The following COL8A1 variants were observed in gnomAD, a reference collection of about 807,000 sequenced individuals.
COL8A1 encodes collagen alpha-1(VIII) chain.
Under a neutral mutation model 42.7 loss-of-function variants are expected in COL8A1, and 21 were observed. The observed-to-expected ratio is 0.49, with a 90% confidence interval of 0.35 to 0.71. The LOEUF (loss-of-function observed/expected upper bound fraction) is 0.71, where lower values mean the gene tolerates loss of function less well. COL8A1 is among the 30% of genes least tolerant of loss of function. The pLI is 0.01. For missense variants in COL8A1, 788 were observed against 962.4 expected (o/e 0.82, Z 2.40); for synonymous variants, 367 against 369.1 (o/e 0.99, Z 0.06).
chr3:99,720,736 T>C (rs1576446913), intron 1 of COL8A1, among the ~76,000 whole-genome samples: 4 of 152,076 alleles, frequency 2.6e-5, no homozygotes, highest in Admixed American at 2.6e-4. Flanking sequence ...TAGTGGTCAG[T>C]GCATTGAGAA....
chr3:99,795,254 G>A lies in COL8A1; in HGVS notation c.1353G>A (p.Met451Ile), dbSNP rs1942080354. 3 of 1,613,180 alleles carry A rather than the reference G, an allele frequency of 1.9e-6. No individual in the cohort carries two copies. Among genetic ancestry groups the A allele is most frequent in the South Asian group, 1.1e-5 (1 of 91,014 alleles). The change falls in exon 4 of 4, where the codon ATG becomes ATA. Residue 451 changes from methionine (M) to isoleucine (I), a missense_variant. Physicochemically the swap from Met to Ile is conservative, Grantham distance 10 (BLOSUM62 1). Transcript: ENST00000652472. ...GFLGEVGPPGMRGLPGPIGPK... is the reference protein window; with the variant it reads ...GFLGEVGPPGIRGLPGPIGPK... ...TTGGTGAAGTAGGGCCTCCTGGCAT[G>A]AGGGGTTTGCCAGGTCCCATAGGGC... is the stretch of plus-strand genomic sequence containing the variant.
intron 2 of COL8A1, among the ~76,000 whole-genome samples, chr3:99,752,504 C>T (rs1941170927): frequency 6.6e-6 from 1 of 152,050 alleles, no homozygotes; most frequent in Non-Finnish European, 1.5e-5. Flanking sequence ...CCCAAATGCC[C>T]TATCCTGACT....
chr3:99,665,673 C>CT (rs67004417), intron 1 of COL8A1, among the ~76,000 whole-genome samples: 1,786 of 70,168 alleles, frequency 0.025, 33 homozygotes, highest in Admixed American at 0.042. Context: ...TGAATTAATT[C>CT]TTTTTTTTTT....
At chr3:99,684,292 T>A (rs546075741) in intron 1 of COL8A1, among the ~76,000 whole-genome samples, 1 of 152,174 alleles carries the variant, frequency 6.6e-6, no homozygotes, top group Non-Finnish European at 1.5e-5. Context: ...CTAAAAACAA[T>A]CTTGTAAGGC....
At chr3:99,734,178 CT>C (rs1267359054) in intron 1 of COL8A1, among the ~76,000 whole-genome samples, 1 of 148,440 alleles carries the variant, frequency 6.7e-6, no homozygotes, top group African/African-American at 2.5e-5. Flanking sequence ...TCAATTTTGT[CT>C]TTTGTTGCCA....
chr3:99,676,656 A>ATCAC (rs1938707179), intron 1 of COL8A1, among the ~76,000 whole-genome samples: 3 of 152,284 alleles, frequency 2.0e-5, no homozygotes, highest in African/African-American at 7.2e-5. Flanking sequence ...GAAGACAAGA[A>ATCAC]TGCCCACTAT....
At chr3:99,786,049 G>T (rs1440721668) in intron 2 of COL8A1, among the ~76,000 whole-genome samples, 1 of 152,246 alleles carries the variant, frequency 6.6e-6, no homozygotes, top group Non-Finnish European at 1.5e-5. Context: ...ATTAGTGAAA[G>T]GTACCTTCAA....
chr3:99,705,192 G>A (rs1044167804), intron 1 of COL8A1, among the ~76,000 whole-genome samples: 5 of 152,016 alleles, frequency 3.3e-5, no homozygotes, highest in African/African-American at 7.2e-5. Context: ...TTTCCCATTC[G>A]AATCCCCAAG....
At chr3:99,670,515 T>G (rs76414087) in intron 1 of COL8A1, among the ~76,000 whole-genome samples, 1,545 of 152,162 alleles carry the variant, frequency 0.01, 46 homozygotes, top group African/African-American at 0.036. Flanking sequence ...ATTATAAACA[T>G]TTATGTGGTA....
At chr3:99,771,197 G>A (rs1375285994) in intron 2 of COL8A1, among the ~76,000 whole-genome samples, 2 of 152,294 alleles carry the variant, frequency 1.3e-5, no homozygotes, top group East Asian at 3.9e-4. Flanking sequence ...TCACCAAAGG[G>A]AGTCTGGATG....
intron 1 of COL8A1, chr3:99,678,868 G>A (rs888488755): frequency 1.3e-5 from 2 of 152,004 alleles, no homozygotes; most frequent in African/African-American, 4.8e-5. Context: ...CAACTCCTTA[G>A]GATTCATTTT....
At chr3:99,641,533 A>G (rs891732850) in intron 1 of COL8A1, among the ~76,000 whole-genome samples, 2 of 152,236 alleles carry the variant, frequency 1.3e-5, no homozygotes, top group Non-Finnish European at 2.9e-5. Flanking sequence ...TCCTTAAAAC[A>G]TGTTTTTAAC....
intron 1 of COL8A1, among the ~76,000 whole-genome samples, chr3:99,648,458 C>CT (rs1454078118): frequency 2.6e-5 from 4 of 151,734 alleles, no homozygotes; most frequent in Non-Finnish European, 4.4e-5. Flanking sequence ...ATTTCTTTTT[C>CT]TTTTTTGTTT....
chr3:99,753,429 T>G (rs141827009), intron 2 of COL8A1, among the ~76,000 whole-genome samples: 82 of 152,302 alleles, frequency 5.4e-4, no homozygotes, highest in African/African-American at 1.9e-3. Flanking sequence ...ATGAAAGCTT[T>G]GCTGACTGGA....
chr3:99,662,935 T>C (rs541692048), intron 1 of COL8A1, among the ~76,000 whole-genome samples: 2 of 152,270 alleles, frequency 1.3e-5, no homozygotes, highest in South Asian at 2.1e-4. Flanking sequence ...AAAACAATGG[T>C]ATCTCTGATC....
intron 1 of COL8A1, among the ~76,000 whole-genome samples, chr3:99,715,918 T>A (rs1475345955): frequency 6.6e-6 from 1 of 152,034 alleles, no homozygotes; most frequent in Non-Finnish European, 1.5e-5. Context: ...CTATTGGATT[T>A]CCCTATTTCA....
chr3:99,766,917 C>T (rs545820798), intron 2 of COL8A1, among the ~76,000 whole-genome samples: 1 of 151,662 alleles, frequency 6.6e-6, no homozygotes, highest in African/African-American at 2.4e-5. Context: ...CCATTGCACT[C>T]CAGCCTCAGC....
At chr3:99,749,403 G>T (rs1941095440) in intron 2 of COL8A1, among the ~76,000 whole-genome samples, 1 of 151,450 alleles carries the variant, frequency 6.6e-6, no homozygotes, top group Admixed American at 6.6e-5. Flanking sequence ...AGAATATTTG[G>T]AATTGATTTT....
rs1352109530 is a variant in COL8A1 at position 99,797,490 on chromosome 3, TCA to T, written c.*1355_*1356del. Reference sequence around the variant, plus strand: ...TTTCGCCATGTTGGCCAGGCTGGTCTCAAACTCCTGGCCTCAAGTGATGCACC... The same window carrying T: ...TTTCGCCATGTTGGCCAGGCTGGTCTAACTCCTGGCCTCAAGTGATGCACC... On this transcript the variant is annotated 3_prime_UTR_variant, in exon 4 of 4. Transcript: ENST00000652472. 6.6e-6 allele frequency: 1 copy of T among 152,196 alleles called. No homozygotes were observed. Among genetic ancestry groups the T allele is most frequent in the African/African-American group, 2.4e-5 (1 of 41,420 alleles). 9.4% of individuals were successfully genotyped at this position (152,196 alleles called of 1,614,324 possible). A position where few individuals can be genotyped will look rare whatever the true frequency, so the allele number is the denominator to read the frequency against.
Sources: allele counts gnomAD v4.1 joint callset (sites outside exome capture counted in the v4.1 genomes callset), GRCh38; gene constraint gnomAD v4.1.1; transcripts MANE v1.5; gene names NCBI Gene and HGNC (gene_info 2026-07-23, HGNC 2026-07-21).